THBS1: variants seen among roughly 807,000 people sequenced by gnomAD.
THBS1 encodes thrombospondin 1.
THBS1 carries 29 observed loss-of-function variants against 126.1 expected under a neutral mutation model. The ratio of observed to expected loss-of-function variants is 0.23; its 90% CI spans 0.17 to 0.31. THBS1 has a LOEUF of 0.31. Among genes scored for constraint, THBS1 ranks in the 10% least tolerant of loss-of-function variants. THBS1 has a pLI of 1.00. For missense variants in THBS1, 1,198 were observed against 1,545.2 expected, an observed-to-expected ratio of 0.78 and a Z score of 3.77; for synonymous variants, 496 against 577.8, an observed-to-expected ratio of 0.86 and a Z score of 2.03.
rs780080396 is a variant in THBS1 at position 39,587,339 on chromosome 15, C to A, written c.1121-8C>A. The A allele has an allele frequency of 6.2e-7, 1 of 1,607,746 alleles. No homozygotes were observed. On this transcript the variant is annotated splice_polypyrimidine_tract_variant and splice_region_variant and intron_variant, in intron 7 of 21. Transcript: ENST00000260356. Reference sequence around the variant, plus strand: ...CACGTACCTGATGAACCTCTGTTTCCCCTGCAGCCAGCGACTCTGCGGACG... The same window carrying A: ...CACGTACCTGATGAACCTCTGTTTCACCTGCAGCCAGCGACTCTGCGGACG...
Position 39,585,503 on chromosome 15 carries a change from C to T in THBS1, c.1060C>T (p.Pro354Ser), listed in dbSNP as rs142519614. Residue 354 changes from proline (P) to serine (S), a missense_variant, in exon 7 of 22, where the codon CCC (proline) becomes TCC (serine). Physicochemically the swap from Pro to Ser is moderately conservative, Grantham distance 74. Transcript: ENST00000260356. Reference sequence around the variant, plus strand: ...TACCATCTGCAAAAAGGTGTCCTGCCCCATCATGCCCTGCTCCAATGCCAC... The same window carrying T: ...TACCATCTGCAAAAAGGTGTCCTGCTCCATCATGCCCTGCTCCAATGCCAC... ...SVTICKKVSC[P>S]IMPCSNATVP... 9.2e-5 allele frequency: 148 copies of T among 1,614,184 alleles called. No individual in the cohort carries two copies. The highest frequency in any genetic ancestry group is 8.0e-4 in the Admixed American group (48 of 60,036).
chr15:39,585,100 C>G (rs975110894), intron 6 of THBS1, among the ~76,000 whole-genome samples: 5 of 152,120 alleles, frequency 3.3e-5, no homozygotes, highest in South Asian at 2.1e-4. Flanking sequence ...CTTCCTCCCC[C>G]CAAACACATA....
At chr15:39,582,927 G>C (rs551382975) in intron 3 of THBS1, among the ~76,000 whole-genome samples, 175 bp downstream of exon 3, 1 of 152,356 alleles carries the variant, frequency 6.6e-6, no homozygotes, top group African/African-American at 2.4e-5. Flanking sequence ...CCCAGCCCCA[G>C]AGTCTGGGAT....
At position 39,588,228 on chromosome 15, in the gene THBS1, A is replaced by G. The variant is rs2140346837; in HGVS notation, c.1471+10A>G. 6.2e-7 allele frequency: 1 copy of G among 1,611,842 alleles called. No homozygotes were observed. The highest frequency in any genetic ancestry group is 1.1e-5 in the South Asian group (1 of 90,926). On this transcript the variant is annotated intron_variant, in intron 9 of 21. Transcript: ENST00000260356. Reference sequence around the variant, plus strand: ...AAAGACGCCTGCCCCAGTAAGTGTGAGGTCCGCTGCAAGGGTGAGCATGGG... The same window carrying G: ...AAAGACGCCTGCCCCAGTAAGTGTGGGGTCCGCTGCAAGGGTGAGCATGGG...
chr15:39,581,944 T>G lies in THBS1; in HGVS notation c.67+20T>G. On this transcript the variant is annotated intron_variant, in intron 2 of 21. Transcript: ENST00000260356. ...TTCCAGGTGAGTTTGTGTGGCACCT[T>G]TAGGGGAAGGAGGGACAAGGAAGAG... 4.3e-6 allele frequency: 7 copies of G among 1,613,808 alleles called. No homozygotes were observed. The highest frequency in any genetic ancestry group is 5.9e-6 in the Non-Finnish European group (7 of 1,179,694).
Position 39,594,253 on chromosome 15 carries a change from A to T in THBS1, c.3366-48A>T. On this transcript the variant is annotated intron_variant, in intron 20 of 21. Transcript: ENST00000260356. The surrounding 1 kb of genome is among the most constrained non-coding windows in gnomAD (Gnocchi z 4.4). The stretch of plus-strand genomic sequence containing the variant: ...GTCACACTGAGGGACAAAAAGACAA[A>T]AAGTATTAAATAGCATTGTCACTAA... 2 of 1,613,670 alleles carry T rather than the reference A, an allele frequency of 1.2e-6. No individual in the cohort carries two copies. The highest frequency in any genetic ancestry group is 1.7e-6 in the Non-Finnish European group (2 of 1,179,660).
chr15:39,582,402 T>A lies in THBS1; in HGVS notation c.277T>A (p.Ser93Thr). 6.2e-7 allele frequency: 1 copy of A among 1,614,084 alleles called. No homozygotes were observed. The highest frequency in any genetic ancestry group is 8.5e-7 in the Non-Finnish European group (1 of 1,179,992). ...RAEKGFLLLA[S>T]LRQMKKTRGT... The stretch of plus-strand genomic sequence containing the variant: ...AGAAAAGGGTTTCCTCCTTCTGGCA[T>A]CCCTGAGGCAGATGAAGAAGACCCG... Residue 93 changes from serine (S) to threonine (T), a missense_variant, in exon 3 of 22, where the codon TCC (serine) becomes ACC (threonine). Physicochemically the swap from Ser to Thr is moderately conservative, Grantham distance 58 (BLOSUM62 1). Around this residue, in one of 4 missense-constraint regions of THBS1, gnomAD observed 271 missense variants for 277.0 expected, o/e 0.98. Transcript: ENST00000260356.
At position 39,588,206 on chromosome 15, in the gene THBS1, G is replaced by A. The variant is rs369718983; in HGVS notation, c.1459G>A (p.Asp487Asn). 8 of 1,613,688 alleles carry A rather than the reference G, an allele frequency of 5.0e-6. No homozygotes were observed. The highest frequency in any genetic ancestry group is 1.1e-5 in the South Asian group (1 of 91,066). ...GCGGGAGACCAAAGCCTGCAAGAAA[G>A]ACGCCTGCCCCAGTAAGTGTGAGGT... The part of the protein sequence containing the change: ...EARETKACKK[D>N]ACPINGGWGP... Residue 487 changes from aspartate (D) to asparagine (N), a missense_variant, in exon 9 of 22, where the codon GAC becomes AAC. Asp to Asn is a conservative substitution (Grantham distance 23). Transcript: ENST00000260356.
At chr15:39,584,831 C>A (rs922008881) in intron 6 of THBS1, among the ~76,000 whole-genome samples, 1 of 152,132 alleles carries the variant, frequency 6.6e-6, no homozygotes, top group Non-Finnish European at 1.5e-5. Flanking sequence ...CTTAGTCTGA[C>A]ACTGTTAGGA....
Position 39,582,767 on chromosome 15 carries a change from C to CT in THBS1, c.627+16dup. On this transcript the variant is annotated intron_variant, in intron 3 of 21. Transcript: ENST00000260356. The stretch of plus-strand genomic sequence containing the variant: ...ACAATTTCCAGGTGAGGCTTCTTCT[C>CT]TGAGCCCTGCTCCGTGGGATCATCT... 1 of 1,591,220 alleles carries CT rather than the reference C, an allele frequency of 6.3e-7. No individual in the cohort carries two copies. Among genetic ancestry groups the CT allele is most frequent in the Non-Finnish European group, 8.5e-7 (1 of 1,169,928 alleles).
rs1203874578 is a variant in THBS1, at chr15:39,594,666, C to T, written c.3505+226C>T. 6.6e-6 allele frequency among the ~76,000 whole-genome samples: 1 copy of T among 152,216 alleles called. No individual in the cohort carries two copies. Among genetic ancestry groups the T allele is most frequent in the Non-Finnish European group, 1.5e-5 (1 of 68,038 alleles). On this transcript the variant is annotated intron_variant, in intron 21 of 21. Coordinates refer to ENST00000260356, the MANE Select transcript of THBS1 (RefSeq NM_003246.4). The surrounding 1 kb of genome is among the most constrained non-coding windows in gnomAD (Gnocchi z 4.4). ...ATTAGTTTGCTTAGCAATCTCTGTG[C>T]TCCTCATACACAGTGCAAAGGTAAG...
At position 39,589,414 on chromosome 15, in the gene THBS1, TG is replaced by T. The variant is rs1890283316; in HGVS notation, c.1926+63del. Reference sequence around the variant, plus strand: ...GAGAGCTGTCCTTGACCAAAATAACTGGGAGCGGGAGGAATGTAATTTCATA... The same window carrying T: ...GAGAGCTGTCCTTGACCAAAATAACTGGAGCGGGAGGAATGTAATTTCATA... On this transcript the variant is annotated intron_variant, in intron 12 of 21. Coordinates refer to ENST00000260356, the MANE Select transcript of THBS1 (RefSeq NM_003246.4). This position sits in a 1 kb window ranked among gnomAD's most constrained non-coding sequence, Gnocchi z 4.7. 1 of 1,586,514 alleles carries T rather than the reference TG, an allele frequency of 6.3e-7. No homozygotes were observed. Among genetic ancestry groups the T allele is most frequent in the Admixed American group, 1.7e-5 (1 of 57,696 alleles).
At chr15:39,582,113 G>A in intron 2 of THBS1, 80 bp from the exon 3 acceptor site, 3 of 1,476,912 alleles carry the variant, frequency 2.0e-6, no homozygotes, top group Admixed American at 2.0e-5. Context: ...CCAACCCTTT[G>A]TCTCCACCCC....
intron 2 of THBS1, 39 bp downstream of exon 2, chr15:39,581,963 G>A (rs776613910): frequency 4.4e-6 from 7 of 1,608,312 alleles, no homozygotes; most frequent in Middle Eastern, 1.6e-4. Flanking sequence ...GGAGGGACAA[G>A]GAAGAGGTGC....
chr15:39,588,366 A>G (rs1319455729), intron 9 of THBS1, 148 bp downstream of exon 9: 3 of 1,289,040 alleles, frequency 2.3e-6, no homozygotes, highest in Non-Finnish European at 3.1e-6. Flanking sequence ...CTGCAGGCTC[A>G]GCAACTTCTT....
intron 6 of THBS1, among the ~76,000 whole-genome samples, chr15:39,584,922 T>A (rs1192861964): frequency 1.3e-5 from 2 of 152,152 alleles, no homozygotes; most frequent in African/African-American, 4.8e-5. Context: ...GGCCAGTGAG[T>A]TTGGAGGTTC....
rs1595511348 is a variant in THBS1 at position 39,590,843 on chromosome 15, C to G, written c.2253+220C>G. ...TGTTTTTCATCAGAACTGTTTTTCT[C>G]TGTACTTGAGAAATTATAATGCATA... is the stretch of plus-strand genomic sequence containing the variant. On this transcript the variant is annotated intron_variant, in intron 14 of 21. Transcript: ENST00000260356. 5.4e-6 allele frequency: 3 copies of G among 559,706 alleles called. No individual in the cohort carries two copies. In the East Asian group the frequency reaches 9.5e-5, roughly 18 times the overall value. The allele number at this position is 559,706 out of a possible 1,614,324, so 34.7% of individuals were successfully genotyped here. A position where few individuals can be genotyped will look rare whatever the true frequency, so the allele number is the denominator to read the frequency against.
intron 5 of THBS1, 34 bp downstream of exon 5, chr15:39,584,221 A>T (rs773569868): frequency 6.8e-6 from 11 of 1,613,986 alleles, no homozygotes; most frequent in Non-Finnish European, 9.3e-6. Flanking sequence ...CGTTAGCATG[A>T]ACCCTGGAAG....
intron 6 of THBS1, among the ~76,000 whole-genome samples, chr15:39,584,665 C>T (rs1890177694): frequency 6.6e-6 from 1 of 152,102 alleles, no homozygotes; most frequent in Non-Finnish European, 1.5e-5. Context: ...TCTACTAAGA[C>T]ATCTGAATAA....
Sources: gnomAD v4.1 joint callset for allele counts (sites outside exome capture counted in the v4.1 genomes callset) on GRCh38, gnomAD v4.1.1 for gene constraint, gnomAD v4.1.1 regional missense constraint, Gnocchi (gnomAD v3.1) non-coding constraint, MANE v1.5 for transcripts, NCBI Gene and HGNC (gene_info 2026-07-23, HGNC 2026-07-21) for gene names.